The following NAALADL2 variants were observed in gnomAD, a reference collection of about 807,000 sequenced individuals.
The protein encoded by NAALADL2 is inactive N-acetylated-alpha-linked acidic dipeptidase-like protein 2.
In NAALADL2, 76 loss-of-function variants were observed where a neutral mutation model predicts 87.2. The observed-to-expected ratio is 0.87, with a 90% CI of 0.72 to 1.05. The LOEUF is 1.05. Among genes scored for constraint, NAALADL2 ranks in the 50% least tolerant of loss-of-function variants. The probability of loss-of-function intolerance (pLI) is 0.00; values close to 1 mark genes in which losing one functional copy is unlikely to be tolerated. For synonymous variants in NAALADL2, 354 were observed against 331.0 expected, an observed-to-expected ratio of 1.07 and a Z score of -0.75; for missense variants, 1,089 against 945.8, an observed-to-expected ratio of 1.15 and a Z score of -1.99.
At chr3:175,007,926 C>G (rs1749257210) in intron 1 of NAALADL2, among the ~76,000 whole-genome samples, 2 of 152,004 alleles carry the variant, frequency 1.3e-5, no homozygotes, top group South Asian at 2.1e-4. Context: ...CAGCCACCAT[C>G]GATCTGATAA....
At chr3:175,430,197 T>C (rs1717520232) in intron 5 of NAALADL2, among the ~76,000 whole-genome samples, 3 of 152,094 alleles carry the variant, frequency 2.0e-5, no homozygotes, top group Admixed American at 2.0e-4. Flanking sequence ...CGTTAAATTA[T>C]GCATTGAGAA....
chr3:175,789,552 C>G (rs577307726), intron 13 of NAALADL2, among the ~76,000 whole-genome samples: 73 of 152,074 alleles, frequency 4.8e-4, no homozygotes, highest in Non-Finnish European at 8.1e-4. Flanking sequence ...ATGTTGTTTT[C>G]AGGTTATTGG....
intron 1 of NAALADL2, among the ~76,000 whole-genome samples, chr3:174,496,774 A>G (rs1718566368): frequency 6.6e-6 from 1 of 152,102 alleles, no homozygotes. Context: ...AACAGTTACA[A>G]AACTATTTAT....
At chr3:175,554,561 C>T (rs1714951935) in intron 9 of NAALADL2, among the ~76,000 whole-genome samples, 1 of 151,932 alleles carries the variant, frequency 6.6e-6, no homozygotes, top group South Asian at 2.1e-4. Flanking sequence ...AAATGGCTTT[C>T]TTCTTCTGGT....
At chr3:174,704,833 T>G (rs1385789153) in intron 2 of NAALADL2, among the ~76,000 whole-genome samples, 1 of 152,166 alleles carries the variant, frequency 6.6e-6, no homozygotes, top group Non-Finnish European at 1.5e-5. Flanking sequence ...AAACTGTGAC[T>G]TTAATGGAAA....
At chr3:174,795,431 AT>A (rs1307613119) in intron 3 of NAALADL2, among the ~76,000 whole-genome samples, 1 of 152,134 alleles carries the variant, frequency 6.6e-6, no homozygotes, top group African/African-American at 2.4e-5. Context: ...GTATTTATCC[AT>A]TGCATGGTAG....
rs114510957 is a variant in NAALADL2 at position 174,523,789 on chromosome 3, A to T, written c.-183-26780A>T. On this transcript the variant is annotated intron_variant, in intron 1 of 3. Coordinates refer to the NAALADL2 transcript ENST00000434257. ...TTTACTACTCCTAAATTGCCAGGTC[A>T]TTGCCAATTTGTGTTTAAATATTGC... Among the ~76,000 whole-genome samples the T allele has an allele frequency of 4.0e-3, 612 of 152,252 alleles. 4 individuals carry two copies. The highest frequency in any genetic ancestry group is 0.012 in the African/African-American group (493 of 41,546).
intron 1 of NAALADL2, among the ~76,000 whole-genome samples, chr3:175,013,265 TTTTA>T (rs1750332173): frequency 1.0e-5 from 1 of 99,510 alleles, no homozygotes; most frequent in African/African-American, 4.7e-5. Context: ...ATACATATAT[TTTTA>T]TATATATACA....
intron 1 of NAALADL2, among the ~76,000 whole-genome samples, chr3:174,929,640 A>G (rs148213161): frequency 1.1e-3 from 173 of 152,264 alleles, no homozygotes; most frequent in African/African-American, 4.0e-3. Flanking sequence ...TGTTGTGCAC[A>G]TAGATTTAAG....
chr3:175,206,591 A>G lies in NAALADL2; in HGVS notation c.546-27340A>G, dbSNP rs973333569. 3.9e-5 allele frequency among the ~76,000 whole-genome samples: 6 copies of G among 151,906 alleles called. No individual in the cohort carries two copies. The South Asian group carries it at 6.2e-4, about 16-fold the overall frequency. On this transcript the variant is annotated intron_variant, in intron 2 of 13. Transcript: ENST00000454872. ...GGGAGGGGGGCGAAGGATAAAGACT[A>G]CAAATACAGTTCAGTGTATACTGCT...
chr3:175,467,852 G>A (rs1300693809), intron 8 of NAALADL2, among the ~76,000 whole-genome samples: 1 of 151,994 alleles, frequency 6.6e-6, no homozygotes, highest in Non-Finnish European at 1.5e-5. Flanking sequence ...TGACAGACCT[G>A]GGTCTCATAA....
In NAALADL2 at chr3:175,015,542, A is replaced by G. The variant is rs191255961; in HGVS notation, c.44-81248A>G. 2.1e-3 allele frequency among the ~76,000 whole-genome samples: 317 copies of G among 152,242 alleles called. 2 individuals are homozygous for G. The highest frequency in any genetic ancestry group is 7.2e-3 in the African/African-American group (301 of 41,566). Reference sequence around the variant, plus strand: ...TTAGGAAGCACTTGTGCTGGTATCAATTCATCACAGTTCAATCACTAAGAA... The same window carrying G: ...TTAGGAAGCACTTGTGCTGGTATCAGTTCATCACAGTTCAATCACTAAGAA... On this transcript the variant is annotated intron_variant, in intron 1 of 13. Transcript: ENST00000454872.
intron 1 of NAALADL2, among the ~76,000 whole-genome samples, chr3:174,471,070 G>T (rs1318137195): frequency 2.0e-5 from 3 of 152,008 alleles, no homozygotes; most frequent in African/African-American, 4.8e-5. Context: ...TTCAGAGAAA[G>T]TTCCCAAGTG....
chr3:175,064,204 G>C (rs1714106193), intron 1 of NAALADL2, among the ~76,000 whole-genome samples: 1 of 148,330 alleles, frequency 6.7e-6, no homozygotes, highest in South Asian at 2.3e-4. Flanking sequence ...TGTTAGGATA[G>C]AGATTTGCCA....
At chr3:174,508,882 A>G (rs528917344) in intron 1 of NAALADL2, among the ~76,000 whole-genome samples, 27 of 152,268 alleles carry the variant, frequency 1.8e-4, no homozygotes, top group African/African-American at 6.5e-4. Context: ...ACACATCTCA[A>G]AAAGTATATA....
chr3:174,843,019 T>C (rs1724197647), intron 3 of NAALADL2, among the ~76,000 whole-genome samples: 1 of 152,188 alleles, frequency 6.6e-6, no homozygotes, highest in Admixed American at 6.5e-5. Flanking sequence ...TTTATGAGGT[T>C]CAATTTGATT....
At chr3:175,166,999 C>G (rs143129248) in intron 2 of NAALADL2, among the ~76,000 whole-genome samples, 135 of 152,158 alleles carry the variant, frequency 8.9e-4, no homozygotes, top group African/African-American at 3.1e-3. Context: ...TGCTTTACAT[C>G]CATATTTTCT....
At chr3:174,867,821 A>G (rs1480965925) in intron 1 of NAALADL2, among the ~76,000 whole-genome samples, 1 of 152,080 alleles carries the variant, frequency 6.6e-6, no homozygotes, top group Non-Finnish European at 1.5e-5. Flanking sequence ...GTTGGCATAG[A>G]GTCTCTTTAT....
At chr3:174,574,049 C>G (rs1460309440) in intron 2 of NAALADL2, among the ~76,000 whole-genome samples, 1 of 152,134 alleles carries the variant, frequency 6.6e-6, no homozygotes, top group African/African-American at 2.4e-5. Context: ...TAAAGCATCC[C>G]TTTAAAGAAT....
Sources: gnomAD v4.1 joint callset for allele counts (sites outside exome capture counted in the v4.1 genomes callset) on GRCh38, gnomAD v4.1.1 for gene constraint, MANE v1.5 for transcripts, NCBI Gene and HGNC (gene_info 2026-07-23, HGNC 2026-07-21) for gene names.